Variants in TRERF1 observed in about 807,000 individuals in gnomAD.
TRERF1 encodes the protein transcriptional regulating factor 1, also known as transcriptional-regulating factor 1.
In TRERF1, 27 loss-of-function variants were observed where a neutral mutation model predicts 122.9. The observed-to-expected ratio is 0.22, with a 90% CI of 0.16 to 0.30. The LOEUF (loss-of-function observed/expected upper bound fraction) is 0.30, where lower values mean the gene tolerates loss of function less well. Among genes scored for constraint, TRERF1 ranks in the 10% least tolerant of loss-of-function variants. The pLI is 1.00. For missense variants in TRERF1, 1,248 were observed against 1,560.3 expected (o/e 0.80, Z 3.37); for synonymous variants, 636 against 641.7 (o/e 0.99, Z 0.13).
intron 2 of TRERF1, among the ~76,000 whole-genome samples, chr6:42,379,011 G>A (rs190203654): frequency 2.0e-5 from 3 of 152,212 alleles, no homozygotes; most frequent in Admixed American, 2.0e-4. Context: ...CCCAAGCTAC[G>A]CAGGAGGCTG....
At chr6:42,360,770 T>TAAAAAAAAAAAAAAAAAAAA (rs1491517636) in intron 3 of TRERF1, among the ~76,000 whole-genome samples, 1 of 64,046 alleles carries the variant, frequency 1.6e-5, no homozygotes, top group African/African-American at 4.6e-5. Flanking sequence ...AGTGGAGAGA[T>TAAAAAAAAAAAAAAAAAAAA]TAAAAAAAAA....
intron 2 of TRERF1, among the ~76,000 whole-genome samples, chr6:42,402,544 A>T (rs907991239): frequency 2.0e-5 from 3 of 152,212 alleles, no homozygotes; most frequent in African/African-American, 7.2e-5. Context: ...TTTCTAAGGA[A>T]GGGTCACATC....
At chr6:42,260,253 G>T (rs78029099) in intron 8 of TRERF1, among the ~76,000 whole-genome samples, 3,833 of 151,964 alleles carry the variant, frequency 0.025, 63 homozygotes, top group East Asian at 0.062. Flanking sequence ...CTTTCAGCAG[G>T]GGGGGAGAGC....
At chr6:42,320,181 G>A (rs860985) in intron 3 of TRERF1, among the ~76,000 whole-genome samples, 37,217 of 151,936 alleles carry the variant, frequency 0.24, 8,115 homozygotes, top group African/African-American at 0.59. Flanking sequence ...TTACAGGCAT[G>A]AGCCACCGCA....
At chr6:42,430,795 G>A (rs1156924277) in intron 2 of TRERF1, among the ~76,000 whole-genome samples, 1 of 152,014 alleles carries the variant, frequency 6.6e-6, no homozygotes, top group Non-Finnish European at 1.5e-5. Context: ...TACTTGGGAG[G>A]CTAAGCAGGG....
chr6:42,271,880 A>G (rs1392551419), intron 4 of TRERF1, among the ~76,000 whole-genome samples: 2 of 152,244 alleles, frequency 1.3e-5, no homozygotes, highest in African/African-American at 2.4e-5. Context: ...AATATATTAC[A>G]CATATCACAT....
chr6:42,293,799 C>T (rs927722201), intron 4 of TRERF1, among the ~76,000 whole-genome samples: 15 of 140,476 alleles, frequency 1.1e-4, no homozygotes, highest in Middle Eastern at 3.6e-3. Context: ...AAAGATAACC[C>T]GGACCAAACA....
intron 4 of TRERF1, among the ~76,000 whole-genome samples, chr6:42,282,009 A>G (rs910391613): frequency 6.6e-6 from 1 of 152,204 alleles, no homozygotes; most frequent in Non-Finnish European, 1.5e-5. Flanking sequence ...CATACCCAGG[A>G]GTAGAGGAAG....
chr6:42,380,245 A>T (rs1054417733), intron 2 of TRERF1, among the ~76,000 whole-genome samples: 1 of 152,016 alleles, frequency 6.6e-6, no homozygotes, highest in African/African-American at 2.4e-5. Context: ...GGTGGGAGCC[A>T]GGGCAGACAG....
chr6:42,364,998 C>T lies in TRERF1; in HGVS notation c.-453-1919G>A, dbSNP rs12527944. 1.4e-3 allele frequency among the ~76,000 whole-genome samples: 217 copies of T among 152,146 alleles called. 1 individual carries two copies. The highest frequency in any genetic ancestry group is 3.4e-3 in the Middle Eastern group (1 of 294). On this transcript the variant is annotated intron_variant, in intron 2 of 17. Coordinates refer to ENST00000372922, the Ensembl canonical transcript of TRERF1. ...TGAGTGCAAGGAAACCAGGTGGGAA[C>T]GAGCCCAGATGCAGGTCAGCACACA...
At chr6:42,425,764 C>T (rs556803829) in intron 2 of TRERF1, among the ~76,000 whole-genome samples, 3 of 151,762 alleles carry the variant, frequency 2.0e-5, no homozygotes, top group African/African-American at 7.3e-5. Flanking sequence ...AGGCTGGTCT[C>T]GAACTCCTGA....
At chr6:42,382,417 T>TAAAAA (rs58580368) in intron 2 of TRERF1, among the ~76,000 whole-genome samples, 24 of 133,672 alleles carry the variant, frequency 1.8e-4, no homozygotes, top group African/African-American at 5.3e-4. Context: ...AAGACGTGAT[T>TAAAAA]AAAAAAAAAA....
intron 3 of TRERF1, among the ~76,000 whole-genome samples, chr6:42,329,370 T>C (rs2150553656): frequency 6.6e-6 from 1 of 152,186 alleles, no homozygotes; most frequent in East Asian, 2.0e-4. Flanking sequence ...TCTCTGCCTC[T>C]GAATCGCTCC....
chr6:42,414,760 T>A (rs1259011022), intron 2 of TRERF1, among the ~76,000 whole-genome samples: 1 of 152,200 alleles, frequency 6.6e-6, no homozygotes, highest in Admixed American at 6.5e-5. Flanking sequence ...CAAAACCCAC[T>A]AAGGTATTTT....
chr6:42,332,782 G>C (rs1217254342), intron 3 of TRERF1, among the ~76,000 whole-genome samples: 1 of 152,162 alleles, frequency 6.6e-6, no homozygotes, highest in African/African-American at 2.4e-5. Context: ...AATTCCAGCA[G>C]TCTGCATTCT....
chr6:42,272,406 G>A (rs1166283709), intron 4 of TRERF1, among the ~76,000 whole-genome samples: 4 of 152,178 alleles, frequency 2.6e-5, no homozygotes, highest in Non-Finnish European at 5.9e-5. Context: ...AGGATGCTGG[G>A]CGTGAGAGTG....
At chr6:42,448,024 G>A (rs751298840) in intron 2 of TRERF1, among the ~76,000 whole-genome samples, 9 of 152,078 alleles carry the variant, frequency 5.9e-5, no homozygotes, top group Non-Finnish European at 1.3e-4. Flanking sequence ...ACTTTTCATG[G>A]CAATGTCCAA....
At chr6:42,385,711 C>T (rs1052739243) in intron 2 of TRERF1, among the ~76,000 whole-genome samples, 1 of 152,164 alleles carries the variant, frequency 6.6e-6, no homozygotes. Context: ...TTTAAACCTA[C>T]CCCACCACCA....
intron 4 of TRERF1, among the ~76,000 whole-genome samples, chr6:42,286,998 T>C (rs1485612233): frequency 6.9e-6 from 1 of 144,714 alleles, no homozygotes; most frequent in African/African-American, 2.5e-5. Context: ...TGTAGGGACA[T>C]GGATGAAATT....
Sources: allele counts gnomAD v4.1 joint callset (sites outside exome capture counted in the v4.1 genomes callset), GRCh38; gene constraint gnomAD v4.1.1; transcripts MANE v1.5; gene names NCBI Gene and HGNC (gene_info 2026-07-23, HGNC 2026-07-21).